DISC1: variants seen among roughly 807,000 people sequenced by gnomAD.
DISC1 encodes the protein disrupted in schizophrenia 1 protein.
Under a neutral mutation model 84.5 loss-of-function variants are expected in DISC1, and 57 were observed. The ratio of observed to expected loss-of-function variants is 0.67; its 90% CI spans 0.55 to 0.84. The LOEUF is 0.84. Ranked by LOEUF, DISC1 falls within the 40% of genes least tolerant of loss-of-function variation. The probability of loss-of-function intolerance (pLI) is 0.00; values close to 1 mark genes in which losing one functional copy is unlikely to be tolerated. For missense variants in DISC1, 1,000 were observed against 1,057.8 expected, an observed-to-expected ratio of 0.95 and a Z score of 0.76; for synonymous variants, 411 against 415.2, an observed-to-expected ratio of 0.99 and a Z score of 0.12.
chr1:231,727,856 G>T (rs1304661732), intron 3 of DISC1, among the ~76,000 whole-genome samples: 1 of 151,870 alleles, frequency 6.6e-6, no homozygotes, highest in East Asian at 1.9e-4. Flanking sequence ...GGAGGCTGAG[G>T]TCGGAGGATC....
intron 4 of DISC1, among the ~76,000 whole-genome samples, chr1:231,752,878 G>A (rs1486813861): frequency 1.3e-5 from 2 of 152,250 alleles, no homozygotes; most frequent in East Asian, 3.8e-4. Context: ...AAATTGAAAT[G>A]CAGTAGGGCA....
intron 9 of DISC1, among the ~76,000 whole-genome samples, chr1:231,883,884 G>GC (rs1407644010): frequency 6.6e-6 from 1 of 152,118 alleles, no homozygotes; most frequent in African/African-American, 2.4e-5. Flanking sequence ...TCACCTGAGA[G>GC]CCCCTCAGAA....
At chr1:231,890,495 G>C (rs1256344766) in intron 9 of DISC1, among the ~76,000 whole-genome samples, 1 of 152,134 alleles carries the variant, frequency 6.6e-6, no homozygotes, top group Non-Finnish European at 1.5e-5. Flanking sequence ...CACTATATAT[G>C]ATTTAACTTA....
intron 11 of DISC1, 103 bp from the exon 12 acceptor site, chr1:232,026,332 C>T: frequency 1.4e-6 from 1 of 734,188 alleles, no homozygotes; most frequent in Non-Finnish European, 2.3e-6. Flanking sequence ...ACAATTCTGA[C>T]TGAGGTGCAG....
At chr1:231,726,281 C>G (rs1468970743) in intron 3 of DISC1, among the ~76,000 whole-genome samples, 1 of 152,184 alleles carries the variant, frequency 6.6e-6, no homozygotes, top group Non-Finnish European at 1.5e-5. Context: ...GGGTATATGG[C>G]AACAGTGGGC....
intron 9 of DISC1, among the ~76,000 whole-genome samples, chr1:231,927,723 C>T (rs887546171): frequency 2.0e-5 from 3 of 152,156 alleles, no homozygotes; most frequent in South Asian, 2.1e-4. Flanking sequence ...TAAAATGCGA[C>T]GAGAGCTAGG....
At chr1:231,891,448 A>T (rs1413106296) in intron 9 of DISC1, among the ~76,000 whole-genome samples, 7 of 152,202 alleles carry the variant, frequency 4.6e-5, no homozygotes, top group African/African-American at 1.7e-4. Context: ...CCACGTGAGG[A>T]AGCACCAGGG....
At chr1:231,955,398 T>C (rs1659266921) in intron 9 of DISC1, among the ~76,000 whole-genome samples, 1 of 152,066 alleles carries the variant, frequency 6.6e-6, no homozygotes, top group Non-Finnish European at 1.5e-5. Flanking sequence ...CCCAAACCCA[T>C]TTCACTTCTC....
At chr1:232,020,449 C>G (rs1043838108) in intron 11 of DISC1, among the ~76,000 whole-genome samples, 20 of 152,176 alleles carry the variant, frequency 1.3e-4, no homozygotes, top group Non-Finnish European at 4.4e-5. Context: ...CCTACCAAAT[C>G]CAGCAGCATT....
chr1:231,853,108 C>T (rs9431699), intron 9 of DISC1, among the ~76,000 whole-genome samples: 7,291 of 152,206 alleles, frequency 0.048, 305 homozygotes, highest in African/African-American at 0.12. Flanking sequence ...CTTGAGGATG[C>T]ATTGAAGCCC....
At chr1:231,978,140 G>A (rs766316655) in intron 10 of DISC1, among the ~76,000 whole-genome samples, 24 of 151,798 alleles carry the variant, frequency 1.6e-4, no homozygotes, top group Non-Finnish European at 2.6e-4. Context: ...ATTTATGGCC[G>A]AGAATTTGAT....
At chr1:231,734,494 C>T in intron 3 of DISC1, among the ~76,000 whole-genome samples, 1 of 152,244 alleles carries the variant, frequency 6.6e-6, no homozygotes, top group Admixed American at 6.5e-5. Flanking sequence ...CTCTCTCTCT[C>T]TCTCTCACGC....
At chr1:231,781,090 CA>C (rs2077386689) in intron 6 of DISC1, among the ~76,000 whole-genome samples, 1 of 143,852 alleles carries the variant, frequency 7.0e-6, no homozygotes, top group Admixed American at 7.2e-5. Context: ...AGCGCACCAG[CA>C]TGGCACATGT....
intron 10 of DISC1, among the ~76,000 whole-genome samples, chr1:232,003,102 T>C (rs1666921435): frequency 6.6e-6 from 1 of 152,156 alleles, no homozygotes; most frequent in Admixed American, 6.5e-5. Context: ...ATTTTTTTAA[T>C]TGAAAGACTT....
intron 1 of DISC1, among the ~76,000 whole-genome samples, chr1:231,689,816 C>T (rs2064769136): frequency 6.6e-6 from 1 of 152,118 alleles, no homozygotes; most frequent in African/African-American, 2.4e-5. Flanking sequence ...TCATATCCAC[C>T]ACAGAAAATA....
rs189140222 is a variant in DISC1, at chr1:231,658,703, A to C, written c.67+31769A>C. Among the ~76,000 whole-genome samples, 637 of 152,272 alleles carry C rather than the reference A, an allele frequency of 4.2e-3. 5 individuals are homozygous for C. Among genetic ancestry groups the C allele is most frequent in the South Asian group, 0.016 (79 of 4,824 alleles). On this transcript the variant is annotated intron_variant, in intron 1 of 12. Coordinates refer to ENST00000439617, the MANE Select transcript of DISC1 (RefSeq NM_018662.3). ...TTAACATGAAGGGATGCCAGATTTT[A>C]TCGAAGGCCTTTTCTGCATATATTG...
At chr1:231,936,703 T>C (rs976701501) in intron 9 of DISC1, among the ~76,000 whole-genome samples, 4 of 152,224 alleles carry the variant, frequency 2.6e-5, no homozygotes, top group African/African-American at 9.6e-5. Context: ...GACACTGCTC[T>C]TTACCTTTGT....
chr1:231,676,136 C>T (rs940125645), intron 1 of DISC1, among the ~76,000 whole-genome samples: 1 of 152,302 alleles, frequency 6.6e-6, no homozygotes, highest in African/African-American at 2.4e-5. Context: ...CATGGGCCAC[C>T]GCCCCCATCG....
intron 9 of DISC1, among the ~76,000 whole-genome samples, chr1:231,841,273 C>G (rs1330963440): frequency 2.0e-5 from 3 of 152,216 alleles, no homozygotes; most frequent in Non-Finnish European, 4.4e-5. Context: ...GCATTATTAT[C>G]TACTACTATT....
Sources: gnomAD v4.1 joint callset for allele counts (sites outside exome capture counted in the v4.1 genomes callset) on GRCh38, gnomAD v4.1.1 for gene constraint, MANE v1.5 for transcripts, NCBI Gene and HGNC (gene_info 2026-07-23, HGNC 2026-07-21) for gene names.